ARL15: variants seen among roughly 807,000 people sequenced by gnomAD.
ARL15 encodes the protein ARF like GTPase 15.
A neutral mutation model predicts 25.2 loss-of-function variants in ARL15; 19 were observed. That is an observed-to-expected ratio of 0.75 (90% CI 0.53 to 1.10). ARL15 has a LOEUF of 1.10. Among genes scored for constraint, ARL15 ranks in the 50% least tolerant of loss-of-function variants. The pLI is 0.00. For missense variants in ARL15, 220 were observed against 246.0 expected (o/e 0.89, Z 0.71); for synonymous variants, 94 against 86.8 (o/e 1.08, Z -0.46).
intron 4 of ARL15, among the ~76,000 whole-genome samples, chr5:53,984,513 G>C (rs1361159178): frequency 6.6e-6 from 1 of 151,926 alleles, no homozygotes; most frequent in Non-Finnish European, 1.5e-5. Context: ...CTCTTTTGAG[G>C]CCCCAACGCC....
intron 4 of ARL15, among the ~76,000 whole-genome samples, chr5:53,977,974 A>T (rs922895674): frequency 1.3e-5 from 2 of 152,182 alleles, no homozygotes; most frequent in African/African-American, 4.8e-5. Context: ...CTTTTCGCCT[A>T]TAATAGGAGG....
intron 4 of ARL15, among the ~76,000 whole-genome samples, chr5:53,947,047 G>A (rs1343587298): frequency 1.3e-5 from 2 of 152,106 alleles, no homozygotes; most frequent in Non-Finnish European, 2.9e-5. Context: ...GAAGGAGATA[G>A]CCAATTGCCA....
At chr5:54,231,050 C>A (rs1756657014) in intron 1 of ARL15, among the ~76,000 whole-genome samples, 3 of 152,170 alleles carry the variant, frequency 2.0e-5, no homozygotes, top group Admixed American at 2.0e-4. Flanking sequence ...CTCTCTCCCT[C>A]TTTCCCCTGC....
chr5:53,937,602 T>A (rs1435327099), intron 4 of ARL15, among the ~76,000 whole-genome samples: 1 of 152,224 alleles, frequency 6.6e-6, no homozygotes, highest in Non-Finnish European at 1.5e-5. Context: ...TGTGCTACAG[T>A]TGCCTACAGT....
intron 1 of ARL15, among the ~76,000 whole-genome samples, chr5:54,285,164 A>G (rs1758154055): frequency 6.6e-6 from 1 of 152,322 alleles, no homozygotes; most frequent in South Asian, 2.1e-4. Flanking sequence ...AGGAAGAACT[A>G]AAGAATATTA....
At chr5:54,302,560 C>A (rs182965300) in intron 1 of ARL15, among the ~76,000 whole-genome samples, 1 of 151,970 alleles carries the variant, frequency 6.6e-6, no homozygotes, top group Non-Finnish European at 1.5e-5. Flanking sequence ...AGGGAACCAG[C>A]AATGATGCAG....
intron 3 of ARL15, among the ~76,000 whole-genome samples, chr5:54,143,650 C>T (rs915744324): frequency 1.3e-4 from 19 of 151,718 alleles, no homozygotes; most frequent in African/African-American, 4.1e-4. Flanking sequence ...TTGAACTTTG[C>T]TAAATGTATC....
chr5:53,987,407 CACAT>C (rs2111634392), intron 4 of ARL15, among the ~76,000 whole-genome samples: 1 of 151,936 alleles, frequency 6.6e-6, no homozygotes, highest in Non-Finnish European at 1.5e-5. Flanking sequence ...AAAAGGCTCA[CACAT>C]GCATGCGCAC....
At chr5:54,087,548 A>G (rs1269540883) in intron 4 of ARL15, among the ~76,000 whole-genome samples, 2 of 152,192 alleles carry the variant, frequency 1.3e-5, no homozygotes, top group Non-Finnish European at 2.9e-5. Flanking sequence ...GATAGCTAAA[A>G]GGAATAGCAG....
intron 4 of ARL15, among the ~76,000 whole-genome samples, chr5:54,094,325 T>C (rs905857307): frequency 6.6e-6 from 1 of 152,002 alleles, no homozygotes; most frequent in Non-Finnish European, 1.5e-5. Flanking sequence ...GCTAATTAAA[T>C]CCTGTCAGAA....
intron 2 of ARL15, among the ~76,000 whole-genome samples, chr5:54,155,620 A>C (rs2112352061): frequency 6.6e-6 from 1 of 152,202 alleles, no homozygotes; most frequent in East Asian, 1.9e-4. Flanking sequence ...TTATGACTTA[A>C]CTATTACCAT....
At chr5:54,001,071 T>C (rs1464745226) in intron 4 of ARL15, among the ~76,000 whole-genome samples, 2 of 152,242 alleles carry the variant, frequency 1.3e-5, no homozygotes, top group East Asian at 1.9e-4. Context: ...ATTTTAGTAC[T>C]TTTAATGGTA....
chr5:54,105,035 GTAA>G (rs1202778247), intron 4 of ARL15, among the ~76,000 whole-genome samples: 1 of 151,118 alleles, frequency 6.6e-6, no homozygotes, highest in Non-Finnish European at 1.5e-5. Flanking sequence ...CAGACACTAT[GTAA>G]TAATAATAAT....
At chr5:54,308,921 T>G (rs1031392867) in intron 1 of ARL15, among the ~76,000 whole-genome samples, 1 of 152,250 alleles carries the variant, frequency 6.6e-6, no homozygotes, top group African/African-American at 2.4e-5. Flanking sequence ...CACCCTTTCC[T>G]ACTTGGTAAT....
intron 3 of ARL15, among the ~76,000 whole-genome samples, chr5:54,118,331 A>G (rs1052055806): frequency 1.3e-5 from 2 of 152,216 alleles, no homozygotes; most frequent in African/African-American, 4.8e-5. Context: ...TTAACTGTAG[A>G]AGCAGATATG....
rs143862049 is a variant in ARL15, at chr5:54,213,540, T to A, written c.49-41612A>T. ...TAAGAAACAGACTTTTCAAAAGGAA[T>A]CCAAATGAATAACTCTTTTAGCAGT... On this transcript the variant is annotated intron_variant, in intron 1 of 4. Coordinates refer to ENST00000504924, the MANE Select transcript of ARL15 (RefSeq NM_019087.3). Among the ~76,000 whole-genome samples the A allele has an allele frequency of 9.8e-3, 1,487 of 152,160 alleles. 14 individuals are homozygous for A. Among genetic ancestry groups the A allele is most frequent in the South Asian group, 0.034 (165 of 4,822 alleles).
At chr5:54,008,489 CTCTT>C (rs1749121187) in intron 4 of ARL15, among the ~76,000 whole-genome samples, 1 of 152,226 alleles carries the variant, frequency 6.6e-6, no homozygotes, top group African/African-American at 2.4e-5. Flanking sequence ...TTTGACCTCT[CTCTT>C]TCTGGCATTA....
At chr5:54,146,288 G>A (rs1753908867) in intron 3 of ARL15, among the ~76,000 whole-genome samples, 2 of 152,006 alleles carry the variant, frequency 1.3e-5, no homozygotes, top group Admixed American at 1.3e-4. Context: ...CCTGTACAGA[G>A]GTTAGAGGTA....
In ARL15 at chr5:53,884,686, A is replaced by G. The variant is rs1040997207; in HGVS notation, c.*1875T>C. The G allele has an allele frequency of 6.6e-5, 10 of 152,232 alleles. No homozygotes were observed. Among genetic ancestry groups the G allele is most frequent in the African/African-American group, 1.7e-4 (7 of 41,418 alleles). 9.4% of individuals were successfully genotyped at this position (152,232 alleles called of 1,614,324 possible). A position where few individuals can be genotyped will look rare whatever the true frequency, so the allele number is the denominator to read the frequency against. ...CGCACACATGAACACACACACGCAGACCACGGGAAGTCATTTAACAGATGG... is the reference window on the plus strand; with the variant it reads ...CGCACACATGAACACACACACGCAGGCCACGGGAAGTCATTTAACAGATGG... On this transcript the variant is annotated 3_prime_UTR_variant, in exon 5 of 5. Coordinates refer to ENST00000504924, the MANE Select transcript of ARL15 (RefSeq NM_019087.3).
Sources: gnomAD v4.1 joint callset for allele counts (sites outside exome capture counted in the v4.1 genomes callset) on GRCh38, gnomAD v4.1.1 for gene constraint, MANE v1.5 for transcripts, NCBI Gene and HGNC (gene_info 2026-07-23, HGNC 2026-07-21) for gene names.